The following ZCCHC7 variants were observed in gnomAD, a reference collection of about 807,000 sequenced individuals.
ZCCHC7 encodes the protein zinc finger CCHC-type containing 7, also known as zinc finger CCHC domain-containing protein 7.
Under a neutral mutation model 52.0 loss-of-function variants are expected in ZCCHC7, and 35 were observed. The ratio of observed to expected loss-of-function variants is 0.67; its 90% CI spans 0.51 to 0.89. The LOEUF is 0.89. Among genes scored for constraint, ZCCHC7 ranks in the 40% least tolerant of loss-of-function variants. The pLI is 0.00. For synonymous variants in ZCCHC7, 217 were observed against 221.5 expected (o/e 0.98, Z 0.18); for missense variants, 574 against 649.1 (o/e 0.88, Z 1.26).
chr9:37,173,645 C>T (rs1315357026), intron 2 of ZCCHC7, among the ~76,000 whole-genome samples: 1 of 152,146 alleles, frequency 6.6e-6, no homozygotes, highest in East Asian at 1.9e-4. Flanking sequence ...AGAATATTTA[C>T]CTTCTAATCA....
chr9:37,247,437 G>A (rs1275135667), intron 2 of ZCCHC7, among the ~76,000 whole-genome samples: 1 of 152,118 alleles, frequency 6.6e-6, no homozygotes, highest in African/African-American at 2.4e-5. Flanking sequence ...TCTTAGACAG[G>A]AATTACACCA....
intron 7 of ZCCHC7, among the ~76,000 whole-genome samples, chr9:37,352,972 G>A (rs76821404): frequency 0.051 from 7,757 of 151,928 alleles, 646 homozygotes; most frequent in African/African-American, 0.18. Context: ...GATTAGAACC[G>A]AACTTATTGA....
At chr9:37,176,426 C>CAT in intron 2 of ZCCHC7, among the ~76,000 whole-genome samples, 1 of 152,138 alleles carries the variant, frequency 6.6e-6, no homozygotes, top group Non-Finnish European at 1.5e-5. Context: ...ACTCAGCCAC[C>CAT]CTATAGATTG....
At chr9:37,340,133 G>A (rs1168375302) in intron 6 of ZCCHC7, among the ~76,000 whole-genome samples, 3 of 152,134 alleles carry the variant, frequency 2.0e-5, no homozygotes, top group Admixed American at 6.6e-5. Flanking sequence ...AAAGGGTTAT[G>A]TAAAATGACA....
intron 2 of ZCCHC7, among the ~76,000 whole-genome samples, chr9:37,165,655 ATAT>A (rs1305895323): frequency 1.3e-5 from 2 of 152,214 alleles, no homozygotes; most frequent in African/African-American, 4.8e-5. Context: ...TGGTCATGCA[ATAT>A]TATTTTTTTA....
intron 2 of ZCCHC7, among the ~76,000 whole-genome samples, chr9:37,187,645 C>A (rs1822737311): frequency 6.6e-6 from 1 of 152,134 alleles, no homozygotes; most frequent in South Asian, 2.1e-4. Flanking sequence ...ATAAAATGAG[C>A]AAAGTGGCAG....
chr9:37,195,519 T>C (rs1823246395), intron 2 of ZCCHC7, among the ~76,000 whole-genome samples: 1 of 152,012 alleles, frequency 6.6e-6, no homozygotes, highest in African/African-American at 2.4e-5. Flanking sequence ...GTTTAATGAG[T>C]GGGAAGATGA....
At chr9:37,213,236 A>G (rs1824333391) in intron 2 of ZCCHC7, among the ~76,000 whole-genome samples, 1 of 152,190 alleles carries the variant, frequency 6.6e-6, no homozygotes, top group Non-Finnish European at 1.5e-5. Flanking sequence ...TCCTTCCTCC[A>G]CACAATTTTG....
At chr9:37,338,047 A>T (rs1325241143) in intron 6 of ZCCHC7, among the ~76,000 whole-genome samples, 8 of 152,136 alleles carry the variant, frequency 5.3e-5, no homozygotes, top group Non-Finnish European at 1.2e-4. Context: ...CTTTAGAGAA[A>T]ATTGGGATGC....
At chr9:37,327,745 G>T (rs1830306812) in intron 5 of ZCCHC7, 54 bp from the exon 6 acceptor site, 2 of 1,605,234 alleles carry the variant, frequency 1.2e-6, no homozygotes, top group Non-Finnish European at 1.7e-6. Flanking sequence ...AAACCAACAG[G>T]CTGTAAAGTA....
chr9:37,355,760 A>G (rs1291071397), intron 8 of ZCCHC7, among the ~76,000 whole-genome samples: 1 of 152,210 alleles, frequency 6.6e-6, no homozygotes, highest in Non-Finnish European at 1.5e-5. Context: ...TGTATTTTCA[A>G]TCCTCATTTG....
intron 2 of ZCCHC7, among the ~76,000 whole-genome samples, chr9:37,154,987 T>A (rs544080965): frequency 6.6e-6 from 1 of 152,374 alleles, no homozygotes; most frequent in African/African-American, 2.4e-5. Context: ...TTTACATAAT[T>A]TGAAGACAAA....
At chr9:37,276,632 A>G (rs897905945) in intron 2 of ZCCHC7, among the ~76,000 whole-genome samples, 3 of 152,132 alleles carry the variant, frequency 2.0e-5, no homozygotes, top group Non-Finnish European at 4.4e-5. Context: ...CTTTTGGGAA[A>G]TTGGGTAGTA....
chr9:37,345,719 C>CAAA (rs34403603), intron 6 of ZCCHC7, among the ~76,000 whole-genome samples: 1 of 119,106 alleles, frequency 8.4e-6, no homozygotes, highest in Admixed American at 9.0e-5. Flanking sequence ...GACTCCATCT[C>CAAA]AAAAAAAAAA....
intron 6 of ZCCHC7, among the ~76,000 whole-genome samples, chr9:37,337,160 A>T (rs1300860430): frequency 6.6e-6 from 1 of 152,222 alleles, no homozygotes; most frequent in South Asian, 2.1e-4. Context: ...CCATATTACT[A>T]TAATCTTAAA....
rs776939242 is a variant in ZCCHC7, at chr9:37,126,514, A to G, written c.182A>G (p.Asn61Ser). ...EEEHEEKNSG[N>S]SESSSSKPNQ... ...GAGCATGAAGAAAAGAACTCTGGGA[A>G]TTCGGAATCTTCGAGTAGTAAACCA... The change falls in exon 2 of 9, where the codon AAT becomes AGT. Residue 61 changes from asparagine to serine, a missense_variant. This residue lies in a region of ZCCHC7 where 403 missense variants were observed against 461.2 expected (regional missense o/e 0.87). Transcript: ENST00000336755. The G allele has an allele frequency of 5.9e-5, 95 of 1,613,760 alleles. No homozygotes were observed. The highest frequency in any genetic ancestry group is 7.9e-5 in the Non-Finnish European group (93 of 1,180,034).
At chr9:37,126,275 T>C (rs1842532807) in intron 1 of ZCCHC7, 37 bp from the exon 2 acceptor site, 14 of 1,538,316 alleles carry the variant, frequency 9.1e-6, no homozygotes, top group Non-Finnish European at 1.1e-5. Context: ...ATCTGAACTT[T>C]TAAAGTATAT....
At chr9:37,307,776 T>G (rs1829398266) in intron 5 of ZCCHC7, among the ~76,000 whole-genome samples, 1 of 152,204 alleles carries the variant, frequency 6.6e-6, no homozygotes, top group African/African-American at 2.4e-5. Flanking sequence ...GTATTTCTCA[T>G]GTAAATAACA....
chr9:37,268,504 T>C (rs149067272), intron 2 of ZCCHC7, among the ~76,000 whole-genome samples: 102 of 152,050 alleles, frequency 6.7e-4, no homozygotes, highest in African/African-American at 2.4e-3. Context: ...TGGGCTCACT[T>C]CAAGCTCCAC....
Sources: gnomAD v4.1 joint callset for allele counts (sites outside exome capture counted in the v4.1 genomes callset) on GRCh38, gnomAD v4.1.1 for gene constraint, gnomAD v4.1.1 regional missense constraint, MANE v1.5 for transcripts, NCBI Gene and HGNC (gene_info 2026-07-23, HGNC 2026-07-21) for gene names.